SPPL3: variants seen among roughly 807,000 people sequenced by gnomAD.
SPPL3 encodes the protein signal peptide peptidase-like 3.
A neutral mutation model predicts 42.4 loss-of-function variants in SPPL3; 5 were observed. The observed-to-expected ratio is 0.12, with a 90% CI of 0.06 to 0.25. The LOEUF is 0.25. SPPL3 is among the 10% of genes least tolerant of loss of function. The pLI, the probability that SPPL3 is intolerant of heterozygous loss-of-function variation, is 1.00. For synonymous variants in SPPL3, 195 were observed against 181.8 expected (o/e 1.07, Z -0.58); for missense variants, 235 against 489.0 (o/e 0.48, Z 4.90).
intron 7 of SPPL3, 132 bp downstream of exon 7, chr12:120,768,821 T>C: frequency 1.3e-6 from 1 of 755,890 alleles, no homozygotes; most frequent in East Asian, 2.7e-5. Context: ...ATGATACAGT[T>C]AAGGACTGGA....
chr12:120,790,400 G>A (rs1869875588), intron 3 of SPPL3, among the ~76,000 whole-genome samples: 1 of 152,196 alleles, frequency 6.6e-6, no homozygotes, highest in Non-Finnish European at 1.5e-5. Context: ...TACACAATAA[G>A]TGATCTCTTT....
At chr12:120,790,971 C>T (rs930893433) in intron 3 of SPPL3, among the ~76,000 whole-genome samples, 5 of 152,048 alleles carry the variant, frequency 3.3e-5, no homozygotes, top group South Asian at 2.1e-4. Context: ...TAGAGGCATG[C>T]GCCACCACAC....
chr12:120,871,130 C>CAAAAAAAAAAAAAGAAA (rs1872908148), intron 1 of SPPL3, among the ~76,000 whole-genome samples: 1 of 51,686 alleles, frequency 1.9e-5, no homozygotes. Context: ...ACTCCGTCTC[C>CAAAAAAAAAAAAAGAAA]AAAAAAAAAA....
At chr12:120,853,976 GCACACATA>G (rs1332451428) in intron 1 of SPPL3, among the ~76,000 whole-genome samples, 31 of 64,142 alleles carry the variant, frequency 4.8e-4, no homozygotes, top group Non-Finnish European at 6.1e-4. Flanking sequence ...CCACACACAC[GCACACATA>G]CACACACACA....
intron 2 of SPPL3, among the ~76,000 whole-genome samples, chr12:120,806,359 G>A (rs1160533532): frequency 6.6e-6 from 1 of 151,904 alleles, no homozygotes; most frequent in East Asian, 1.9e-4. Context: ...CACCATGTCA[G>A]CAATGCATTT....
intron 1 of SPPL3, among the ~76,000 whole-genome samples, chr12:120,877,060 GA>G (rs200971239): frequency 5.1e-4 from 77 of 149,672 alleles, no homozygotes; most frequent in Middle Eastern, 3.4e-3. Flanking sequence ...TTAAAAGGTA[GA>G]AAAAAAAACC....
At chr12:120,835,176 C>G (rs531420104) in intron 1 of SPPL3, among the ~76,000 whole-genome samples, 1 of 152,154 alleles carries the variant, frequency 6.6e-6, no homozygotes, top group African/African-American at 2.4e-5. Context: ...CTCCACAGAT[C>G]GACAGTGCAT....
intron 1 of SPPL3, among the ~76,000 whole-genome samples, chr12:120,826,019 C>T (rs1335716447): frequency 5.7e-5 from 6 of 105,344 alleles, no homozygotes; most frequent in South Asian, 2.4e-4. Context: ...TTAGGACGGG[C>T]GCAGTGGCTC....
At chr12:120,863,856 T>A (rs1272816349) in intron 1 of SPPL3, among the ~76,000 whole-genome samples, 1 of 151,688 alleles carries the variant, frequency 6.6e-6, no homozygotes. Flanking sequence ...TTTCTTTTTT[T>A]CTTGCAGAGA....
At chr12:120,790,891 C>T (rs1219193315) in intron 3 of SPPL3, among the ~76,000 whole-genome samples, 7 of 150,352 alleles carry the variant, frequency 4.7e-5, no homozygotes, top group South Asian at 2.1e-4. Flanking sequence ...GGCACGATCT[C>T]GGCTCACTGC....
intron 1 of SPPL3, among the ~76,000 whole-genome samples, chr12:120,866,572 A>C (rs1872760388): frequency 6.6e-6 from 1 of 152,218 alleles, no homozygotes. Flanking sequence ...AGGCATGTTC[A>C]AAAAAAGGAA....
rs564886032 is a variant in SPPL3, at chr12:120,843,441, C to T, written c.24-32555G>A. On this transcript the variant is annotated intron_variant, in intron 1 of 10. Coordinates refer to ENST00000353487, the MANE Select transcript of SPPL3 (RefSeq NM_139015.5). ...ATATTCCTGCTGTTATTCAACTTAA[C>T]CTCTCTGTAGCATCTGACACTCCCT... 8.4e-4 allele frequency among the ~76,000 whole-genome samples: 128 copies of T among 152,242 alleles called. 1 individual carries two copies. In the South Asian group the frequency reaches 0.011, roughly 13 times the overall value.
Position 120,766,329 on chromosome 12 carries a change from G to A in SPPL3, c.1017C>T (p.Ala339=). ...GCACCAAATAGAGAAGGGCGGGCTGGGCGGCCCGGTGAATGCGAGACGCCA... is the reference window on the plus strand; with the variant it reads ...GCACCAAATAGAGAAGGGCGGGCTGAGCGGCCCGGTGAATGCGAGACGCCA... ...ATVASRIHRA[A]QPALLYLVPF... is the part of the protein sequence containing the mutation. The change falls in exon 10 of 11, where the codon GCC becomes GCT. Residue 339 remains alanine (A), a synonymous_variant. Coordinates refer to ENST00000353487, the MANE Select transcript of SPPL3 (RefSeq NM_139015.5). The A allele has an allele frequency of 6.2e-7, 1 of 1,600,718 alleles. No individual in the cohort carries two copies. The highest frequency in any genetic ancestry group is 1.1e-5 in the South Asian group (1 of 88,254).
chr12:120,816,082 C>T (rs1220209178), intron 1 of SPPL3, among the ~76,000 whole-genome samples: 1 of 152,172 alleles, frequency 6.6e-6, no homozygotes, highest in Admixed American at 6.5e-5. Flanking sequence ...CTGTGCTGTG[C>T]TCCAGCCTCT....
intron 1 of SPPL3, among the ~76,000 whole-genome samples, chr12:120,887,110 C>T (rs999263648): frequency 2.6e-5 from 4 of 151,842 alleles, no homozygotes; most frequent in Non-Finnish European, 5.9e-5. Context: ...CCATCACGCC[C>T]GGCTAATTTT....
intron 1 of SPPL3, among the ~76,000 whole-genome samples, chr12:120,854,029 G>GA (rs1158227221): frequency 9.1e-6 from 1 of 110,488 alleles, no homozygotes; most frequent in African/African-American, 3.6e-5. Context: ...CACACACGGG[G>GA]AAAAAAAAGG....
chr12:120,846,765 A>G (rs1872055435), intron 1 of SPPL3, among the ~76,000 whole-genome samples: 1 of 152,352 alleles, frequency 6.6e-6, no homozygotes, highest in East Asian at 1.9e-4. Context: ...TCATGTTTTG[A>G]GCATTTAGTT....
At chr12:120,863,983 G>A (rs1021839500) in intron 1 of SPPL3, among the ~76,000 whole-genome samples, 3 of 151,830 alleles carry the variant, frequency 2.0e-5, no homozygotes, top group African/African-American at 7.3e-5. Flanking sequence ...CAGCCTAGAT[G>A]GTAGTTTCCT....
At chr12:120,787,420 A>C (rs537788451) in intron 3 of SPPL3, among the ~76,000 whole-genome samples, 1 of 152,168 alleles carries the variant, frequency 6.6e-6, no homozygotes, top group Non-Finnish European at 1.5e-5. Context: ...TGGGAAAATA[A>C]ATTTCTATAT....
Sources: allele counts gnomAD v4.1 joint callset (sites outside exome capture counted in the v4.1 genomes callset), GRCh38; gene constraint gnomAD v4.1.1; transcripts MANE v1.5; gene names NCBI Gene and HGNC (gene_info 2026-07-23, HGNC 2026-07-21).